Variants in AKT3 observed in about 807,000 individuals in gnomAD.
The protein encoded by AKT3 is RAC-gamma serine/threonine-protein kinase.
Under a neutral mutation model 65.3 loss-of-function variants are expected in AKT3, and 15 were observed. The ratio of observed to expected loss-of-function variants is 0.23; its 90% confidence interval spans 0.15 to 0.35. The LOEUF is 0.35. Ranked by LOEUF, AKT3 falls within the 10% of genes least tolerant of loss-of-function variation. The probability of loss-of-function intolerance (pLI) is 1.00; values close to 1 mark genes in which losing one functional copy is unlikely to be tolerated. For missense variants in AKT3, 243 were observed against 576.5 expected, an observed-to-expected ratio of 0.42 and a Z score of 5.92; for synonymous variants, 206 against 183.8, an observed-to-expected ratio of 1.12 and a Z score of -0.98.
intron 2 of AKT3, among the ~76,000 whole-genome samples, chr1:243,819,919 G>GT (rs1272061497): frequency 6.6e-6 from 1 of 151,658 alleles, no homozygotes; most frequent in African/African-American, 2.4e-5. Context: ...AGAGGGGCCT[G>GT]TTTTTTTGTT....
intron 3 of AKT3, chr1:243,687,825 A>C (rs1684429448): frequency 6.6e-6 from 1 of 152,178 alleles, no homozygotes; most frequent in African/African-American, 2.4e-5. Context: ...TCCCAATTCT[A>C]AACTTGGTTT....
At chr1:243,826,107 G>T (rs759028051) in intron 2 of AKT3, among the ~76,000 whole-genome samples, 1 of 151,868 alleles carries the variant, frequency 6.6e-6, no homozygotes, top group African/African-American at 2.4e-5. Flanking sequence ...ACTCCATCCT[G>T]GGCGACAGAG....
intron 2 of AKT3, among the ~76,000 whole-genome samples, chr1:243,839,220 C>G (rs571186176): frequency 1.3e-5 from 2 of 152,142 alleles, no homozygotes; most frequent in African/African-American, 4.8e-5. Context: ...TTTATTAATA[C>G]ACTAAGTACC....
In AKT3 at chr1:243,720,519, G is replaced by A. The variant is rs1174713126; in HGVS notation, c.47-24803C>T. Among the ~76,000 whole-genome samples the A allele has an allele frequency of 6.7e-5, 10 of 149,442 alleles. No homozygotes were observed. The East Asian group carries it at 1.6e-3, about 24-fold the overall frequency. ...GCTAAGTATAATATAATCTTCATGT[G>A]TTTTATCAATACTACATAGAGTTCT... On this transcript the variant is annotated intron_variant, in intron 2 of 13. Transcript: ENST00000673466.
Position 243,533,818 on chromosome 1 carries a change from A to G in AKT3, c.1251+11692T>C, listed in dbSNP as rs886245961. On this transcript the variant is annotated intron_variant, in intron 12 of 13. Transcript: ENST00000673466. ...ATCCTGGCTAATATGGTGAAACCCCATCTCTACTAAAAATACAAAAAATTA... is the reference window on the plus strand; with the variant it reads ...ATCCTGGCTAATATGGTGAAACCCCGTCTCTACTAAAAATACAAAAAATTA... 1.2e-4 allele frequency among the ~76,000 whole-genome samples: 18 copies of G among 151,888 alleles called. No homozygotes were observed. In the South Asian group the frequency reaches 1.9e-3, roughly 16 times the overall value.
At chr1:243,499,445 G>C (rs959792166), downstream of AKT3, among the ~76,000 whole-genome samples, 1 of 152,272 alleles carries the variant, frequency 6.6e-6, no homozygotes, top group East Asian at 1.9e-4. Flanking sequence ...GTCCTTTCCC[G>C]GACAGAAGAG....
In AKT3 at chr1:243,505,078, G is replaced by A. The variant is rs1036163793; in HGVS notation, c.*171C>T. ...AAAACAAAAACTGGAGTGTATTTGCGTGTATGTGTGTTTTCATGAGGGTGA... is the reference window on the plus strand; with the variant it reads ...AAAACAAAAACTGGAGTGTATTTGCATGTATGTGTGTTTTCATGAGGGTGA... On this transcript the variant is annotated 3_prime_UTR_variant, in exon 14 of 14. Coordinates refer to ENST00000673466, the MANE Select transcript of AKT3 (RefSeq NM_005465.7). The A allele has an allele frequency of 3.0e-5, 18 of 593,758 alleles. No homozygotes were observed. The highest frequency in any genetic ancestry group is 9.3e-5 in the African/African-American group (5 of 53,676). 36.8% of individuals were successfully genotyped at this position (593,758 alleles called of 1,614,324 possible).
At position 243,513,775 on chromosome 1, in the gene AKT3, G is replaced by A. The variant is rs77474700; in HGVS notation, c.1252-1349C>T. 1.6e-4 allele frequency among the ~76,000 whole-genome samples: 25 copies of A among 152,296 alleles called. No individual in the cohort carries two copies. In the East Asian group the frequency reaches 3.9e-3, roughly 24 times the overall value. Reference sequence around the variant, plus strand: ...GTTCCACTGATCAGCTGGTAATGGCGACTAATCCCTAAACTGAAACAAACT... The same window carrying A: ...GTTCCACTGATCAGCTGGTAATGGCAACTAATCCCTAAACTGAAACAAACT... On this transcript the variant is annotated intron_variant, in intron 12 of 13. Transcript: ENST00000673466.
At chr1:243,724,675 G>A (rs1196515164) in intron 2 of AKT3, among the ~76,000 whole-genome samples, 5 of 152,052 alleles carry the variant, frequency 3.3e-5, no homozygotes, top group African/African-American at 9.7e-5. Context: ...CTTTTACCAA[G>A]GATTAAGGGG....
At chr1:243,788,506 G>A (rs1041785514) in intron 2 of AKT3, among the ~76,000 whole-genome samples, 1 of 152,082 alleles carries the variant, frequency 6.6e-6, no homozygotes, top group Admixed American at 6.5e-5. Context: ...TATATCAAAT[G>A]GTATAGTATT....
chr1:243,707,302 T>C (rs527913045), intron 2 of AKT3, among the ~76,000 whole-genome samples: 2 of 152,312 alleles, frequency 1.3e-5, no homozygotes, highest in South Asian at 2.1e-4. Flanking sequence ...AAAGGAGGTA[T>C]TGATTTTTTG....
intron 12 of AKT3, among the ~76,000 whole-genome samples, chr1:243,519,488 C>T (rs148966232): frequency 1.3e-4 from 20 of 152,200 alleles, no homozygotes; most frequent in Non-Finnish European, 5.9e-5. Flanking sequence ...AGGTCAAGGG[C>T]AAAGGTCATG....
intron 3 of AKT3, among the ~76,000 whole-genome samples, chr1:243,672,802 T>A (rs977442192): frequency 1.3e-5 from 2 of 152,178 alleles, no homozygotes; most frequent in African/African-American, 4.8e-5. Context: ...ATTTTCCCCA[T>A]CAACATTTCT....
intron 12 of AKT3, among the ~76,000 whole-genome samples, chr1:243,528,574 AT>A (rs1671313385): frequency 6.6e-6 from 1 of 152,014 alleles, no homozygotes; most frequent in Non-Finnish European, 1.5e-5. Context: ...AATATGCGGG[AT>A]TTTGTTTTCT....
intron 2 of AKT3, among the ~76,000 whole-genome samples, chr1:243,815,872 C>T (rs1057018527): frequency 1.3e-5 from 2 of 152,008 alleles, no homozygotes; most frequent in Admixed American, 6.6e-5. Flanking sequence ...CCACCTCAGC[C>T]TCCCAAAGTG....
At chr1:243,554,286 T>C (rs1322882840) in intron 10 of AKT3, among the ~76,000 whole-genome samples, 1 of 152,188 alleles carries the variant, frequency 6.6e-6, no homozygotes, top group African/African-American at 2.4e-5. Flanking sequence ...AATTCAATTA[T>C]ATCAATGTTT....
intron 11 of AKT3, among the ~76,000 whole-genome samples, chr1:243,551,849 G>T (rs1673088556): frequency 6.6e-6 from 1 of 152,022 alleles, no homozygotes; most frequent in African/African-American, 2.4e-5. Context: ...TAAAAATACT[G>T]TAGCTCATTG....
intron 6 of AKT3, among the ~76,000 whole-genome samples, chr1:243,627,550 A>G (rs1204759112): frequency 6.6e-6 from 1 of 152,214 alleles, no homozygotes; most frequent in Non-Finnish European, 1.5e-5. Context: ...ATACAATAAT[A>G]TACTACACTG....
chr1:243,688,330 T>C (rs1007130259), intron 3 of AKT3, among the ~76,000 whole-genome samples: 74 of 152,134 alleles, frequency 4.9e-4, no homozygotes, highest in African/African-American at 1.7e-3. Flanking sequence ...AAAAAAAGAA[T>C]GAAAAGATAT....
Sources: allele counts gnomAD v4.1 joint callset (sites outside exome capture counted in the v4.1 genomes callset), GRCh38; gene constraint gnomAD v4.1.1; transcripts MANE v1.5; gene names NCBI Gene and HGNC (gene_info 2026-07-23, HGNC 2026-07-21).